Variants in DCTN6 observed in about 807,000 individuals in gnomAD.
DCTN6 encodes the protein dynactin subunit 6, also known as dynactin 6.
Under a neutral mutation model 25.8 loss-of-function variants are expected in DCTN6, and 15 were observed. That is an observed-to-expected ratio of 0.58 (90% confidence interval 0.39 to 0.89). The LOEUF (loss-of-function observed/expected upper bound fraction) is 0.89. DCTN6 is among the 40% of genes least tolerant of loss of function. The probability of loss-of-function intolerance (pLI) is 0.00; values close to 1 mark genes in which losing one functional copy is unlikely to be tolerated. For synonymous variants in DCTN6, 64 were observed against 78.3 expected (o/e 0.82, Z 0.96); for missense variants, 198 against 237.6 (o/e 0.83, Z 1.09).
chr8:30,158,464 T>C (rs545199852), intron 1 of DCTN6, among the ~76,000 whole-genome samples: 1 of 152,252 alleles, frequency 6.6e-6, no homozygotes, highest in Admixed American at 6.5e-5. Flanking sequence ...TGGAAAAACA[T>C]CTGGAGTGAC....
At chr8:30,179,977 A>C (rs1296940470) in intron 5 of DCTN6, among the ~76,000 whole-genome samples, 1 of 152,232 alleles carries the variant, frequency 6.6e-6, no homozygotes, top group African/African-American at 2.4e-5. Context: ...ACAATTCTTT[A>C]GAATAGTGGG....
chr8:30,168,371 T>C (rs1376468517), intron 2 of DCTN6, among the ~76,000 whole-genome samples: 1 of 152,240 alleles, frequency 6.6e-6, no homozygotes, highest in Non-Finnish European at 1.5e-5. Flanking sequence ...ATTTTTCTGA[T>C]GTAATGCATC....
At chr8:30,175,320 G>T (rs1803816319) in intron 3 of DCTN6, 130 bp downstream of exon 3, 1 of 706,318 alleles carries the variant, frequency 1.4e-6, no homozygotes, top group Non-Finnish European at 2.3e-6. Context: ...AAGCATTAAG[G>T]GTCTTTTTCA....
chr8:30,178,163 T>C (rs905652822), intron 4 of DCTN6, among the ~76,000 whole-genome samples: 8 of 152,102 alleles, frequency 5.3e-5, no homozygotes, highest in Non-Finnish European at 1.2e-4. Context: ...TTTAGTACTC[T>C]AAAAAGATAG....
At chr8:30,161,241 G>A (rs2117575651) in intron 1 of DCTN6, among the ~76,000 whole-genome samples, 1 of 152,240 alleles carries the variant, frequency 6.6e-6, no homozygotes, top group Non-Finnish European at 1.5e-5. Context: ...ATGATTGTAA[G>A]TTTCCTGAGG....
At chr8:30,167,201 G>A (rs966610960) in intron 2 of DCTN6, among the ~76,000 whole-genome samples, 17 of 152,022 alleles carry the variant, frequency 1.1e-4, no homozygotes, top group African/African-American at 3.9e-4. Context: ...ATGTGGTGGC[G>A]CATGCCTGTA....
intron 4 of DCTN6, 100 bp from the exon 5 acceptor site, chr8:30,179,308 A>T (rs2117599182): frequency 2.2e-6 from 2 of 919,592 alleles, no homozygotes; most frequent in East Asian, 5.5e-5. Context: ...GGCCCATCTG[A>T]CACCCCTGTC....
intron 1 of DCTN6, among the ~76,000 whole-genome samples, chr8:30,157,512 T>C (rs1035801229): frequency 3.3e-5 from 5 of 152,238 alleles, no homozygotes; most frequent in African/African-American, 9.6e-5. Flanking sequence ...ATGGTACTTG[T>C]GTTTAGTCCT....
At chr8:30,179,362 C>A (rs373600254) in intron 4 of DCTN6, 46 bp from the exon 5 acceptor site, 2 of 1,534,102 alleles carry the variant, frequency 1.3e-6, no homozygotes, top group African/African-American at 2.7e-5. Flanking sequence ...TTAGTGGGGA[C>A]TAAAGATGAA....
intron 1 of DCTN6, 23 bp downstream of exon 1, chr8:30,156,429 G>A (rs1230043330): frequency 1.9e-6 from 3 of 1,595,974 alleles, no homozygotes; most frequent in East Asian, 2.3e-5. Context: ...CTTGAGAAAA[G>A]CCTTTTCTCA....
intron 1 of DCTN6, among the ~76,000 whole-genome samples, chr8:30,161,301 A>T (rs921657659): frequency 1.3e-5 from 2 of 152,158 alleles, no homozygotes; most frequent in Non-Finnish European, 2.9e-5. Flanking sequence ...TTTCCTTTAT[A>T]AATTACCCAT....
intron 2 of DCTN6, among the ~76,000 whole-genome samples, chr8:30,171,966 C>T (rs1803769651): frequency 6.6e-6 from 1 of 152,116 alleles, no homozygotes; most frequent in Admixed American, 6.6e-5. Flanking sequence ...TCTAGACTCT[C>T]TAGACAAGGG....
Position 30,183,166 on chromosome 8 carries a change from A to G in DCTN6, c.566A>G (p.Lys189Arg), listed in dbSNP as rs1803932966. 6.2e-7 allele frequency: 1 copy of G among 1,612,944 alleles called. No individual in the cohort carries two copies. The highest frequency in any genetic ancestry group is 8.5e-7 in the Non-Finnish European group (1 of 1,179,218). ...KTMKGSSTPV[K>R]N is the part of the protein sequence containing the mutation. The stretch of plus-strand genomic sequence containing the variant: ...ATGAAAGGAAGCTCAACTCCAGTAA[A>G]GAACTAAGAACAGTGTATAACATGA... The change falls in exon 7 of 7, where the codon AAG becomes AGG. Residue 189 changes from lysine to arginine, a missense_variant. By Grantham distance (26) the Lys-to-Arg change is conservative. Transcript: ENST00000221114.
intron 2 of DCTN6, among the ~76,000 whole-genome samples, chr8:30,172,202 G>GTGATGT (rs1803772271): frequency 6.6e-6 from 1 of 151,980 alleles, no homozygotes; most frequent in Non-Finnish European, 1.5e-5. Flanking sequence ...ATGTCTAAAT[G>GTGATGT]CCATTATTAA....
intron 3 of DCTN6, among the ~76,000 whole-genome samples, chr8:30,175,630 T>C (rs994375058): frequency 6.6e-6 from 1 of 152,078 alleles, no homozygotes; most frequent in African/African-American, 2.4e-5. Flanking sequence ...TTTGCACAGG[T>C]GACACCCAGA....
chr8:30,168,074 T>A (rs1235146542), intron 2 of DCTN6, among the ~76,000 whole-genome samples: 2 of 152,224 alleles, frequency 1.3e-5, no homozygotes, highest in African/African-American at 2.4e-5. Flanking sequence ...CTTGTTATAT[T>A]TACTTTGACC....
rs916356725 is a variant in DCTN6 at position 30,183,419 on chromosome 8, T to C, written c.*246T>C. The C allele has an allele frequency of 1.3e-5, 4 of 303,294 alleles. No individual in the cohort carries two copies. Among genetic ancestry groups the C allele is most frequent in the Non-Finnish European group, 2.4e-5 (4 of 165,430 alleles). The allele number at this position is 303,294 out of a possible 1,614,324, so 18.8% of individuals were successfully genotyped here. ...TACAGATTTAGCTTTTCTTTTGTTA[T>C]ATAAACTGCTAGCCACAAATTTTAG... On this transcript the variant is annotated 3_prime_UTR_variant, in exon 7 of 7. Coordinates refer to ENST00000221114, the MANE Select transcript of DCTN6 (RefSeq NM_006571.4).
intron 1 of DCTN6, among the ~76,000 whole-genome samples, chr8:30,158,394 A>G (rs1803553814): frequency 6.6e-6 from 1 of 152,258 alleles, no homozygotes; most frequent in African/African-American, 2.4e-5. Context: ...AATGAAAAGT[A>G]TCAGAGAAAT....
intron 1 of DCTN6, among the ~76,000 whole-genome samples, chr8:30,161,329 A>G (rs921307949): frequency 1.3e-5 from 2 of 152,180 alleles, no homozygotes; most frequent in African/African-American, 4.8e-5. Flanking sequence ...GAAGTTCTGT[A>G]GAGCAGTGTG....
Sources: gnomAD v4.1 joint callset for allele counts (sites outside exome capture counted in the v4.1 genomes callset) on GRCh38, gnomAD v4.1.1 for gene constraint, MANE v1.5 for transcripts, NCBI Gene and HGNC (gene_info 2026-07-23, HGNC 2026-07-21) for gene names.